Variants in CFAP52 observed in about 807,000 individuals in gnomAD.
The protein encoded by CFAP52 is cilia and flagella associated protein 52.
Under a neutral mutation model 70.5 loss-of-function variants are expected in CFAP52, and 57 were observed. The observed-to-expected ratio is 0.81, with a 90% CI of 0.65 to 1.01. CFAP52 has a LOEUF of 1.01. Ranked by LOEUF, CFAP52 falls within the 50% of genes least tolerant of loss-of-function variation. The pLI, the probability that CFAP52 is intolerant of heterozygous loss-of-function variation, is 0.00. For synonymous variants in CFAP52, 267 were observed against 292.5 expected (o/e 0.91, Z 0.89); for missense variants, 785 against 788.5 (o/e 1.00, Z 0.05).
At chr17:9,645,405 G>T, downstream of CFAP52, 1 of 285,030 alleles carries the variant, frequency 3.5e-6, no homozygotes, top group Non-Finnish European at 6.3e-6. The surrounding 1 kb of genome is among the most constrained non-coding windows in gnomAD (Gnocchi z 6.8). Flanking sequence ...GGCGGCACCA[G>T]GCAGGGGTAG....
intron 4 of CFAP52, 105 bp downstream of exon 4, chr17:9,594,426 T>C: frequency 7.2e-7 from 1 of 1,384,544 alleles, no homozygotes; most frequent in South Asian, 1.5e-5. Context: ...TAGTCCTGGA[T>C]AAATACCTTA....
chr17:9,577,508 T>C (rs1394140441), intron 1 of CFAP52, among the ~76,000 whole-genome samples: 1 of 152,188 alleles, frequency 6.6e-6, no homozygotes, highest in African/African-American at 2.4e-5. Flanking sequence ...AACAATGAAT[T>C]AGATTTTAGG....
intron 7 of CFAP52, among the ~76,000 whole-genome samples, chr17:9,611,237 T>C (rs1189595732): frequency 9.4e-6 from 1 of 106,876 alleles, no homozygotes; most frequent in Non-Finnish European, 2.2e-5. Flanking sequence ...GCCTCATTCA[T>C]GTATATACTT....
At position 9,638,991 on chromosome 17, in the gene CFAP52, A is replaced by G. The variant is rs532087796; in HGVS notation, c.1575+280A>G. ...GGGGTCTGGCACATAGTAGGTACTC[A>G]ATAGATTGGTTTTTATTATTAGGGA... is the stretch of plus-strand genomic sequence containing the variant. On this transcript the variant is annotated intron_variant, in intron 12 of 13. Coordinates refer to ENST00000352665, the MANE Select transcript of CFAP52 (RefSeq NM_145054.5). 2.1e-5 allele frequency: 8 copies of G among 381,878 alleles called. No homozygotes were observed. In the South Asian group the frequency reaches 3.9e-4, roughly 18 times the overall value. 23.7% of individuals were successfully genotyped at this position (381,878 alleles called of 1,614,324 possible). A position where few individuals can be genotyped will look rare whatever the true frequency, so the allele number is the denominator to read the frequency against.
At position 9,632,870 on chromosome 17, in the gene CFAP52, G is replaced by A. The variant is rs1461435671; in HGVS notation, c.1175-18G>A. The A allele has an allele frequency of 1.9e-6, 3 of 1,612,950 alleles. No individual in the cohort carries two copies. The South Asian group carries it at 3.3e-5, about 18-fold the overall frequency. ...CATATACTGATCCTGCCTGCCTTTT[G>A]TTTCCCTTTCATGCCAGCATGGAAC... On this transcript the variant is annotated intron_variant, in intron 9 of 13. Transcript: ENST00000352665.
At chr17:9,633,373 T>G (rs1910638112) in intron 10 of CFAP52, among the ~76,000 whole-genome samples, 1 of 151,820 alleles carries the variant, frequency 6.6e-6, no homozygotes, top group Non-Finnish European at 1.5e-5. Context: ...CCCAGCTAAT[T>G]TTTCTATTTT....
At chr17:9,635,367 C>T (rs201768867) in intron 10 of CFAP52, 38 bp from the exon 11 acceptor site, 15 of 1,611,888 alleles carry the variant, frequency 9.3e-6, no homozygotes, top group Non-Finnish European at 5.1e-6. Flanking sequence ...TCAGAAGTCC[C>T]AAGTGTGGAT....
intron 1 of CFAP52, chr17:9,584,394 G>A (rs375375563): frequency 1.1e-5 from 14 of 1,262,142 alleles, no homozygotes; most frequent in Admixed American, 2.9e-5. Context: ...AACTGAAACC[G>A]AAAGTTAAAA....
intron 1 of CFAP52, among the ~76,000 whole-genome samples, chr17:9,580,770 G>A (rs1050159574): frequency 2.0e-5 from 3 of 151,966 alleles, no homozygotes; most frequent in Admixed American, 6.6e-5. Context: ...AAAAAAAAGG[G>A]TAATATAATA....
At chr17:9,580,682 T>C (rs1264527392) in intron 1 of CFAP52, among the ~76,000 whole-genome samples, 1 of 86,094 alleles carries the variant, frequency 1.2e-5, no homozygotes, top group Non-Finnish European at 2.6e-5. Context: ...GAGTGAGACC[T>C]GGTCTCAAAA....
chr17:9,596,281 A>G (rs1909017786), intron 4 of CFAP52, among the ~76,000 whole-genome samples: 1 of 151,294 alleles, frequency 6.6e-6, no homozygotes, highest in East Asian at 2.0e-4. Context: ...TTTGTATTTT[A>G]GTAGAGATGG....
intron 6 of CFAP52, among the ~76,000 whole-genome samples, chr17:9,607,217 A>G (rs1909524718): frequency 6.6e-6 from 1 of 152,168 alleles, no homozygotes; most frequent in Non-Finnish European, 1.5e-5. Flanking sequence ...ATGATGGCGC[A>G]TGCCTATAAT....
chr17:9,622,574 ATG>A (rs1337905838), intron 8 of CFAP52, among the ~76,000 whole-genome samples: 4 of 150,612 alleles, frequency 2.7e-5, no homozygotes, highest in African/African-American at 1.0e-4. Context: ...GAAGAAGAAG[ATG>A]ATGATGATGA....
chr17:9,585,433 C>T (rs1438964419), intron 1 of CFAP52, among the ~76,000 whole-genome samples: 2 of 152,144 alleles, frequency 1.3e-5, no homozygotes, highest in Admixed American at 6.5e-5. Context: ...CTTTGGGAGG[C>T]TAAGGTGGAC....
intron 11 of CFAP52, among the ~76,000 whole-genome samples, chr17:9,637,764 G>A (rs905364331): frequency 6.6e-6 from 1 of 152,160 alleles, no homozygotes; most frequent in Non-Finnish European, 1.5e-5. Context: ...TAGTAGAGAC[G>A]GGGTTTCACC....
chr17:9,598,357 G>A, intron 5 of CFAP52, 24 bp downstream of exon 5: 1 of 1,585,840 alleles, frequency 6.3e-7, no homozygotes, highest in South Asian at 1.1e-5. Context: ...TAAGTATTAA[G>A]TAACAATTAG....
At chr17:9,627,157 G>C (rs552437007) in intron 8 of CFAP52, among the ~76,000 whole-genome samples, 2 of 151,160 alleles carry the variant, frequency 1.3e-5, no homozygotes, top group Non-Finnish European at 2.9e-5. Context: ...AGGGTTTTGG[G>C]TTATCTGCAA....
At chr17:9,596,840 C>T (rs1297259293) in intron 4 of CFAP52, among the ~76,000 whole-genome samples, 6 of 152,008 alleles carry the variant, frequency 3.9e-5, no homozygotes, top group African/African-American at 7.2e-5. Flanking sequence ...CTCAGCCTCC[C>T]GACTAGCTGG....
intron 6 of CFAP52, among the ~76,000 whole-genome samples, chr17:9,602,034 G>A (rs1010528056): frequency 6.6e-6 from 1 of 152,164 alleles, no homozygotes; most frequent in Non-Finnish European, 1.5e-5. Flanking sequence ...AAAAACTATA[G>A]TATAAGTAGA....
Sources: allele counts gnomAD v4.1 joint callset (sites outside exome capture counted in the v4.1 genomes callset), GRCh38; gene constraint gnomAD v4.1.1; non-coding constraint Gnocchi (gnomAD v3.1); transcripts MANE v1.5; gene names NCBI Gene and HGNC (gene_info 2026-07-23, HGNC 2026-07-21).